The following PPM1H variants were observed in gnomAD, a reference collection of about 807,000 sequenced individuals.
The protein encoded by PPM1H is protein phosphatase, Mg2+/Mn2+ dependent 1H.
In PPM1H, 27 loss-of-function variants were observed where a neutral mutation model predicts 54.9. That is an observed-to-expected ratio of 0.49 (90% CI 0.36 to 0.68). The LOEUF (loss-of-function observed/expected upper bound fraction) is 0.68. Among genes scored for constraint, PPM1H ranks in the 30% least tolerant of loss-of-function variants. The pLI is 0.00. For missense variants in PPM1H, 596 were observed against 667.8 expected, an observed-to-expected ratio of 0.89 and a Z score of 1.19; for synonymous variants, 305 against 270.8, an observed-to-expected ratio of 1.13 and a Z score of -1.24.
At chr12:62,688,380 G>A (rs1299339996) in intron 8 of PPM1H, among the ~76,000 whole-genome samples, 3 of 151,928 alleles carry the variant, frequency 2.0e-5, no homozygotes. Flanking sequence ...CCTTCTTACT[G>A]GGTGAGAAAA....
Position 62,778,830 on chromosome 12 carries a change from C to T in PPM1H, c.869+9396G>A, listed in dbSNP as rs535298272. ...CCTGTAATCCTAGCTACTCAGGAGG[C>T]TGACATGGGAAGATGGCTTGAGCCA... is the stretch of plus-strand genomic sequence containing the variant. On this transcript the variant is annotated intron_variant, in intron 4 of 9. Transcript: ENST00000228705. Among the ~76,000 whole-genome samples the T allele has an allele frequency of 8.5e-5, 13 of 152,126 alleles. 1 individual carries two copies. In the South Asian group the frequency reaches 2.7e-3, roughly 32 times the overall value.
At position 62,743,563 on chromosome 12, in the gene PPM1H, G is replaced by T. The variant is rs76563383; in HGVS notation, c.870-5977C>A. On this transcript the variant is annotated intron_variant, in intron 4 of 9. Coordinates refer to ENST00000228705, the MANE Select transcript of PPM1H (RefSeq NM_020700.2). ...AAATATTAAGTGGTTAAGAGAAACA[G>T]GGAGGGTAAAACAGGATGGTCACTT... 2.0e-3 allele frequency among the ~76,000 whole-genome samples: 309 copies of T among 152,170 alleles called. 2 individuals are homozygous for T. The highest frequency in any genetic ancestry group is 7.2e-3 in the African/African-American group (297 of 41,502).
intron 1 of PPM1H, among the ~76,000 whole-genome samples, chr12:62,886,383 A>G (rs1870589633): frequency 6.6e-6 from 1 of 152,232 alleles, no homozygotes; most frequent in Non-Finnish European, 1.5e-5. Flanking sequence ...TATTTTGTGC[A>G]TTTTGGATGT....
rs747489418 is a variant in PPM1H at position 62,832,209 on chromosome 12, T to C, written c.316A>G (p.Lys106Glu). ...GGGGTTGAGGTCACGGCCCCTGCCT[T>C]CTTCTTCACAGTGAGCACCTCACAG... The part of the protein sequence containing the change: ...ASCEVLTVKK[K>E]AGAVTSTPNR... The change falls in exon 2 of 10, where the codon AAG (lysine) becomes GAG (glutamate). Residue 106 changes from lysine to glutamate, a missense_variant. By Grantham distance (56) the Lys-to-Glu change is moderately conservative. This residue lies in a region of PPM1H where 382 missense variants were observed against 387.1 expected (regional missense o/e 0.99). Coordinates refer to ENST00000228705, the MANE Select transcript of PPM1H (RefSeq NM_020700.2). The C allele has an allele frequency of 4.3e-6, 7 of 1,613,588 alleles. No homozygotes were observed. The highest frequency in any genetic ancestry group is 5.9e-6 in the Non-Finnish European group (7 of 1,179,768).
In PPM1H at chr12:62,934,749, C is replaced by T; in HGVS notation, c.-13G>A. ...CTCGAGTGAGCATATTACTCCGGCG[C>T]CCGGCTGCAGCGGTGCGAGCAGGAG... On this transcript the variant is annotated 5_prime_UTR_variant, in exon 1 of 10. Coordinates refer to ENST00000228705, the MANE Select transcript of PPM1H (RefSeq NM_020700.2). This position sits in a 1 kb window ranked among gnomAD's most constrained non-coding sequence, Gnocchi z 4.2. 1.3e-6 allele frequency: 2 copies of T among 1,521,984 alleles called. No individual in the cohort carries two copies. The highest frequency in any genetic ancestry group is 2.6e-5 in the East Asian group (1 of 38,466). The allele number at this position is 1,521,984 out of a possible 1,614,324, so 94.3% of individuals were successfully genotyped here. A position where few individuals can be genotyped will look rare whatever the true frequency, so the allele number is the denominator to read the frequency against.
Position 62,801,999 on chromosome 12 carries a change from G to A in PPM1H, c.573C>T (p.Cys191=), listed in dbSNP as rs1402184552. Residue 191 remains cysteine (C), a synonymous_variant, in exon 3 of 10, where the codon TGC becomes TGT. Transcript: ENST00000228705. ...LKNSAVLPPT[C]LGEEPENTPA... is the part of the protein sequence containing the mutation. ...GCGTGTTCTCAGGCTCCTCCCCCAG[G>A]CAGGTAGGGGGCAGGACGGCGGAGT... 6.2e-7 allele frequency: 1 copy of A among 1,613,308 alleles called. No individual in the cohort carries two copies. The highest frequency in any genetic ancestry group is 1.3e-5 in the African/African-American group (1 of 74,930).
intron 6 of PPM1H, among the ~76,000 whole-genome samples, chr12:62,715,285 T>C (rs992946161): frequency 6.6e-6 from 1 of 152,098 alleles, no homozygotes; most frequent in Non-Finnish European, 1.5e-5. Flanking sequence ...AGCTTGGGGA[T>C]TCTGGCACCG....
intron 1 of PPM1H, among the ~76,000 whole-genome samples, chr12:62,879,618 G>A (rs117051387): frequency 0.031 from 4,659 of 152,152 alleles, 102 homozygotes; most frequent in South Asian, 0.048. Context: ...GTTGGGGTAC[G>A]GGAGGTTGGG....
At chr12:62,679,745 A>C (rs1285941201) in intron 8 of PPM1H, among the ~76,000 whole-genome samples, 1 of 152,126 alleles carries the variant, frequency 6.6e-6, no homozygotes, top group Non-Finnish European at 1.5e-5. Flanking sequence ...GCCTGTCTAC[A>C]TTTTCCGGCA....
intron 4 of PPM1H, among the ~76,000 whole-genome samples, chr12:62,766,056 G>A (rs149692826): frequency 6.6e-5 from 10 of 152,334 alleles, no homozygotes; most frequent in African/African-American, 2.4e-4. Context: ...CAATGCAGTG[G>A]CCAGCCGTGT....
intron 1 of PPM1H, among the ~76,000 whole-genome samples, chr12:62,877,391 G>C (rs1208772761): frequency 6.6e-6 from 1 of 152,172 alleles, no homozygotes; most frequent in Non-Finnish European, 1.5e-5. Flanking sequence ...CTCACCTACA[G>C]AGCAGTCAGT....
intron 8 of PPM1H, among the ~76,000 whole-genome samples, chr12:62,670,984 T>G (rs1237772078): frequency 6.6e-6 from 1 of 152,170 alleles, no homozygotes; most frequent in Non-Finnish European, 1.5e-5. Context: ...TCAGAAGAAT[T>G]GGACTGCCGC....
intron 1 of PPM1H, among the ~76,000 whole-genome samples, chr12:62,881,344 G>A (rs753075308): frequency 6.6e-6 from 1 of 151,962 alleles, no homozygotes; most frequent in Non-Finnish European, 1.5e-5. Context: ...CCCTAATCAG[G>A]TGACTTTATA....
At chr12:62,853,990 T>TG (rs1376866609) in intron 1 of PPM1H, among the ~76,000 whole-genome samples, 1 of 152,044 alleles carries the variant, frequency 6.6e-6, no homozygotes, top group African/African-American at 2.4e-5. Context: ...CTTCCATACA[T>TG]GCCATCTGCT....
chr12:62,833,981 T>C (rs1868426302), intron 1 of PPM1H, among the ~76,000 whole-genome samples: 1 of 152,236 alleles, frequency 6.6e-6, no homozygotes, highest in Non-Finnish European at 1.5e-5. Context: ...AGTCATCTAT[T>C]TCCTCAATTT....
At chr12:62,792,047 T>C (rs2076704129) in intron 3 of PPM1H, among the ~76,000 whole-genome samples, 1 of 152,198 alleles carries the variant, frequency 6.6e-6, no homozygotes. Flanking sequence ...AACGTTATGG[T>C]GCAAAAAGTC....
chr12:62,793,113 A>G (rs935214321), intron 3 of PPM1H, among the ~76,000 whole-genome samples: 2 of 152,208 alleles, frequency 1.3e-5, no homozygotes, highest in Non-Finnish European at 2.9e-5. Context: ...TTTGCTGTCA[A>G]TGAACCCCGA....
At chr12:62,837,823 G>A (rs1381513006) in intron 1 of PPM1H, among the ~76,000 whole-genome samples, 9 of 152,232 alleles carry the variant, frequency 5.9e-5, no homozygotes, top group Admixed American at 4.6e-4. Flanking sequence ...AGCCATGCGA[G>A]TTAGAGGAGC....
chr12:62,870,665 A>T (rs191978144), intron 1 of PPM1H, among the ~76,000 whole-genome samples: 2 of 152,228 alleles, frequency 1.3e-5, no homozygotes, highest in East Asian at 3.9e-4. Flanking sequence ...ATTAGGAGGG[A>T]ATATGGGAGG....
Sources: allele counts gnomAD v4.1 joint callset (sites outside exome capture counted in the v4.1 genomes callset), GRCh38; gene constraint gnomAD v4.1.1; regional missense constraint gnomAD v4.1.1; non-coding constraint Gnocchi (gnomAD v3.1); transcripts MANE v1.5; gene names NCBI Gene and HGNC (gene_info 2026-07-23, HGNC 2026-07-21).